The following GPR55 variants were observed in gnomAD, a reference collection of about 807,000 sequenced individuals.
The protein encoded by GPR55 is G-protein coupled receptor 55.
A neutral mutation model predicts 7.9 loss-of-function variants in GPR55; 6 were observed. The ratio of observed to expected loss-of-function variants is 0.76; its 90% CI spans 0.41 to 1.49. The LOEUF (loss-of-function observed/expected upper bound fraction) is 1.49. Among genes scored for constraint, GPR55 ranks in the 40% most tolerant of loss-of-function variants. The pLI is 0.01. For missense variants in GPR55, 376 were observed against 406.0 expected (o/e 0.93, Z 0.63); for synonymous variants, 183 against 166.8 (o/e 1.10, Z -0.75).
At chr2:230,938,246 A>C (rs1691164006) in intron 1 of GPR55, among the ~76,000 whole-genome samples, 1 of 151,592 alleles carries the variant, frequency 6.6e-6, no homozygotes, top group Admixed American at 6.6e-5. Flanking sequence ...CGGCCAGGCA[A>C]GGGCCCCCTT....
In GPR55 at chr2:230,915,512, G is replaced by A. The variant is rs574743482; in HGVS notation, c.-134-4416C>T. ...CAAGCAAATAGCATCTGTGAATGGA[G>A]TGAAAGGACCCCAAACCATTGTGAG... On this transcript the variant is annotated intron_variant, in intron 1 of 1. Coordinates refer to ENST00000650999, the MANE Select transcript of GPR55 (RefSeq NM_005683.4). Among the ~76,000 whole-genome samples, 5 of 152,316 alleles carry A rather than the reference G, an allele frequency of 3.3e-5. No individual in the cohort carries two copies. In the South Asian group the frequency reaches 6.2e-4, roughly 19 times the overall value.
chr2:230,960,368 T>C (rs953715647), intron 1 of GPR55, among the ~76,000 whole-genome samples: 2 of 152,180 alleles, frequency 1.3e-5, no homozygotes, highest in Non-Finnish European at 2.9e-5. Context: ...CTTCCAGTAA[T>C]TTCTAAAAGG....
At chr2:230,912,628 T>G (rs980309561) in intron 1 of GPR55, among the ~76,000 whole-genome samples, 5 of 152,058 alleles carry the variant, frequency 3.3e-5, no homozygotes, top group African/African-American at 1.2e-4. Context: ...TTAGTAGAGA[T>G]CAGTTTTCAC....
At chr2:230,956,267 C>A (rs1039005827) in intron 1 of GPR55, among the ~76,000 whole-genome samples, 3 of 152,086 alleles carry the variant, frequency 2.0e-5, no homozygotes, top group African/African-American at 7.2e-5. Context: ...TGGGTTCAAG[C>A]AATTTTCCTG....
chr2:230,934,639 C>T (rs906219407), intron 1 of GPR55, among the ~76,000 whole-genome samples: 1 of 152,152 alleles, frequency 6.6e-6, no homozygotes, highest in Admixed American at 6.5e-5. Context: ...AGTCAGCCTC[C>T]CCTGGGGAAG....
chr2:230,958,714 C>T lies in GPR55; in HGVS notation c.-135+2061G>A, dbSNP rs187529074. 6.6e-5 allele frequency among the ~76,000 whole-genome samples: 10 copies of T among 152,268 alleles called. No individual in the cohort carries two copies. In the East Asian group the frequency reaches 1.5e-3, roughly 23 times the overall value. ...TTCGATCATTTAGTTAAGGTGATGT[C>T]CAAAAGATCTCTCCACTGTAATTAA... On this transcript the variant is annotated intron_variant, in intron 1 of 1. Coordinates refer to the GPR55 transcript ENST00000392039.
intron 1 of GPR55, among the ~76,000 whole-genome samples, chr2:230,960,261 G>A (rs551096941): frequency 6.6e-6 from 1 of 152,260 alleles, no homozygotes; most frequent in Admixed American, 6.5e-5. Context: ...AAACATACAG[G>A]AAACAACTTT....
chr2:230,935,075 G>A (rs1411428392), intron 1 of GPR55, among the ~76,000 whole-genome samples: 2 of 151,896 alleles, frequency 1.3e-5, no homozygotes, highest in South Asian at 2.1e-4. Flanking sequence ...CAGAGGAAAC[G>A]CCTGGGGTGG....
At chr2:230,940,919 C>G (rs1206056999) in intron 1 of GPR55, among the ~76,000 whole-genome samples, 1 of 152,114 alleles carries the variant, frequency 6.6e-6, no homozygotes, top group East Asian at 1.9e-4. Flanking sequence ...GAGTTCTAGA[C>G]CAGCCTGGGC....
At chr2:230,947,232 G>T (rs1182890783) in intron 1 of GPR55, among the ~76,000 whole-genome samples, 1 of 152,168 alleles carries the variant, frequency 6.6e-6, no homozygotes, top group African/African-American at 2.4e-5. Context: ...CCAGAGTTTT[G>T]TTGGTTATGG....
intron 1 of GPR55, chr2:230,960,749 G>A (rs1691554818): frequency 6.6e-6 from 1 of 152,190 alleles, no homozygotes; most frequent in African/African-American, 2.4e-5. Flanking sequence ...AGAAGAGACA[G>A]AGGAATACAG....
chr2:230,958,350 G>T (rs1691522672), intron 1 of GPR55, among the ~76,000 whole-genome samples: 1 of 152,106 alleles, frequency 6.6e-6, no homozygotes, highest in Admixed American at 6.5e-5. Context: ...ATGGAGAATG[G>T]GGTATCCATC....
intron 1 of GPR55, among the ~76,000 whole-genome samples, chr2:230,937,014 TA>T (rs1429841889): frequency 1.3e-5 from 2 of 152,256 alleles, no homozygotes; most frequent in African/African-American, 4.8e-5. Flanking sequence ...CCTAGTCTCC[TA>T]AGTTTATTAA....
At position 230,910,248 on chromosome 2, in the gene GPR55, AG is replaced by A; in HGVS notation, c.714del (p.Phe239SerfsTer14). 6.2e-7 allele frequency: 1 copy of A among 1,614,148 alleles called. No individual in the cohort carries two copies. The highest frequency in any genetic ancestry group is 8.5e-7 in the Non-Finnish European group (1 of 1,180,004). On this transcript the variant is annotated frameshift_variant, in exon 2 of 2. Transcript: ENST00000650999. LOFTEE classifies it high-confidence loss of function. This position sits in a 1 kb window ranked among gnomAD's most constrained non-coding sequence, Gnocchi z 5.4. ...IAASLAVFVV[S>X]FLPVHLGFFL... ...AAGAACCCCAGGTGGACTGGGAGGA[AG>A]GAGACCACGAAGACAGCCAGGCTGG...
chr2:230,917,160 T>A (rs1310403679), intron 1 of GPR55, among the ~76,000 whole-genome samples: 1 of 152,218 alleles, frequency 6.6e-6, no homozygotes, highest in Non-Finnish European at 1.5e-5. Flanking sequence ...GTAGTAATCT[T>A]ATACACCGAA....
rs142376700 is a variant in GPR55 at position 230,923,446 on chromosome 2, G to C, written c.-135+1722C>G. Among the ~76,000 whole-genome samples the C allele has an allele frequency of 1.3e-5, 2 of 152,186 alleles. No homozygotes were observed. Among genetic ancestry groups the C allele is most frequent in the African/African-American group, 4.8e-5 (2 of 41,450 alleles). On this transcript the variant is annotated intron_variant, in intron 1 of 1. Coordinates refer to ENST00000650999, the MANE Select transcript of GPR55 (RefSeq NM_005683.4). This position sits in a 1 kb window ranked among gnomAD's most constrained non-coding sequence, Gnocchi z 4.1. ...AAATGCCGCAGTTAGAATACACAGC[G>C]TATCCACCAGTAACACCATAGTGTG...
At chr2:230,933,534 G>A (rs1399567482) in intron 1 of GPR55, among the ~76,000 whole-genome samples, 2 of 152,236 alleles carry the variant, frequency 1.3e-5, no homozygotes, top group East Asian at 3.9e-4. Flanking sequence ...CTGTGGCAGT[G>A]GGTGGCTGTC....
chr2:230,929,412 G>T (rs889051188), upstream of GPR55, among the ~76,000 whole-genome samples: 1 of 152,180 alleles, frequency 6.6e-6, no homozygotes, highest in Non-Finnish European at 1.5e-5. Context: ...TAATGTCAAG[G>T]CAGAAGGGAG....
At chr2:230,939,704 G>A (rs1691190976) in intron 1 of GPR55, among the ~76,000 whole-genome samples, 1 of 152,192 alleles carries the variant, frequency 6.6e-6, no homozygotes, top group African/African-American at 2.4e-5. Flanking sequence ...AGCCTGGCGT[G>A]CAGGCCAGTG....
Sources: gnomAD v4.1 joint callset for allele counts (sites outside exome capture counted in the v4.1 genomes callset) on GRCh38, gnomAD v4.1.1 for gene constraint, Gnocchi (gnomAD v3.1) non-coding constraint, MANE v1.5 for transcripts, NCBI Gene and HGNC (gene_info 2026-07-23, HGNC 2026-07-21) for gene names.